RYR1: variants seen among roughly 807,000 people sequenced by gnomAD.
RYR1 encodes central core disease of muscle.
In RYR1, 342 loss-of-function variants were observed where a neutral mutation model predicts 583.5. The ratio of observed to expected loss-of-function variants is 0.59; its 90% CI spans 0.54 to 0.64. RYR1 has a LOEUF of 0.64. Among genes scored for constraint, RYR1 ranks in the 30% least tolerant of loss-of-function variants. RYR1 has a pLI of 0.00. For synonymous variants in RYR1, 2,791 were observed against 2,822.5 expected (o/e 0.99, Z 0.35); for missense variants, 6,032 against 6,917.2 (o/e 0.87, Z 4.54).
intron 66 of RYR1, among the ~76,000 whole-genome samples, chr19:38,518,401 TAAAAAA>T (rs10714494): frequency 4.4e-5 from 5 of 113,794 alleles, no homozygotes; most frequent in Non-Finnish European, 9.2e-5. Context: ...CTCTATTATT[TAAAAAA>T]AAAAAAAAAA....
In RYR1 at chr19:38,464,860, T is replaced by G. The variant is rs142016637; in HGVS notation, c.2870+138T>G. ...GAGACTTGGGTTAGGGTGAAGGTCA[T>G]AGGGTCAGGGCTCTGGGGTCAGAGG... On this transcript the variant is annotated intron_variant, in intron 23 of 105. Coordinates refer to ENST00000359596, the MANE Select transcript of RYR1 (RefSeq NM_000540.3). 642 of 721,926 alleles carry G rather than the reference T, an allele frequency of 8.9e-4. 1 individual carries two copies. In the African/African-American group the frequency reaches 0.01, roughly 11 times the overall value. The allele number at this position is 721,926 out of a possible 1,614,324, so 44.7% of individuals were successfully genotyped here. A position where few individuals can be genotyped will look rare whatever the true frequency, so the allele number is the denominator to read the frequency against.
At chr19:38,560,958 C>G (rs1419854188) in intron 89 of RYR1, among the ~76,000 whole-genome samples, 155 bp from the exon 90 acceptor site, 1 of 144,790 alleles carries the variant, frequency 6.9e-6, no homozygotes, top group Admixed American at 7.1e-5. Context: ...GGGATGGGGA[C>G]GAGAGGGGAT....
At chr19:38,582,327 G>T (rs951351556) in intron 101 of RYR1, among the ~76,000 whole-genome samples, 8 of 152,014 alleles carry the variant, frequency 5.3e-5, no homozygotes, top group Non-Finnish European at 1.5e-5. Context: ...AACCCGGGAG[G>T]TGGAGGTTGC....
chr19:38,464,781 T>A (rs1428887447), intron 23 of RYR1, 59 bp downstream of exon 23: 3 of 1,488,782 alleles, frequency 2.0e-6, no homozygotes, highest in Non-Finnish European at 2.8e-6. Context: ...GATGCTGTGC[T>A]AAGGGCTGGG....
intron 1 of RYR1, among the ~76,000 whole-genome samples, chr19:38,440,086 G>T (rs921229519): frequency 1.3e-5 from 2 of 152,140 alleles, no homozygotes; most frequent in Non-Finnish European, 2.9e-5. Context: ...CAACTGTGTG[G>T]CCTTGGTCCA....
Position 38,536,057 on chromosome 19 carries a change from T to C in RYR1, c.11577T>C (p.Asn3859=), listed in dbSNP as rs1216939683. ...AGGCCGAGGGGCTGGGCATGGTGAA[T>C]GAGGATGGCACTGGTGAGGCCCTCC... ...QNKAEGLGMV[N]EDGTVINRQN... Residue 3859 remains asparagine, a synonymous_variant, in exon 82 of 106, where the codon AAT becomes AAC. Coordinates refer to ENST00000359596, the MANE Select transcript of RYR1 (RefSeq NM_000540.3). 3.1e-6 allele frequency: 5 copies of C among 1,613,286 alleles called. No individual in the cohort carries two copies. The South Asian group carries it at 5.5e-5, about 18-fold the overall frequency.
Position 38,440,765 on chromosome 19 carries a change from G to A in RYR1, c.66G>A (p.Gln22=). The change falls in exon 2 of 106, where the codon CAG becomes CAA. Residue 22 remains glutamine (Q), a synonymous_variant. Transcript: ENST00000359596. ...CGCAGGACGATGAGGTGGTCCTGCA[G>A]TGCAGCGCTACCGTGCTCAAGGAGC... The part of the protein sequence containing the change: ...FLRTDDEVVL[Q]CSATVLKEQL... The A allele has an allele frequency of 1.2e-6, 2 of 1,608,444 alleles. No individual in the cohort carries two copies. The highest frequency in any genetic ancestry group is 1.7e-6 in the Non-Finnish European group (2 of 1,178,176).
intron 19 of RYR1, 51 bp from the exon 20 acceptor site, chr19:38,460,324 C>T (rs745417992): frequency 2.6e-5 from 39 of 1,528,302 alleles, no homozygotes; most frequent in Admixed American, 1.5e-4. Flanking sequence ...TGACCACAGA[C>T]TGTCCCCCAT....
Position 38,574,483 on chromosome 19 carries a change from C to T in RYR1, c.14129+1176C>T, listed in dbSNP as rs558361808. On this transcript the variant is annotated intron_variant, in intron 96 of 105. Coordinates refer to ENST00000359596, the MANE Select transcript of RYR1 (RefSeq NM_000540.3). ...AAAAAAAACTAAAAAGTTAGCCAGA[C>T]ATGCTAGCCTGGCTAGCGCATGCCT... 2.0e-5 allele frequency among the ~76,000 whole-genome samples: 3 copies of T among 151,630 alleles called. No individual in the cohort carries two copies. The South Asian group carries it at 6.3e-4, about 32-fold the overall frequency.
Position 38,463,373 on chromosome 19 carries a change from G to A in RYR1, c.2578-50G>A, listed in dbSNP as rs376873625. The A allele has an allele frequency of 1.1e-3, 1,703 of 1,509,220 alleles. 3 individuals carry two copies. The highest frequency in any genetic ancestry group is 1.4e-3 in the Non-Finnish European group (1,551 of 1,090,238). 93.5% of individuals were successfully genotyped at this position (1,509,220 alleles called of 1,614,324 possible). ...GTTCTTGGAAAGAGGGGTCATGATGGAGGAGGGTAGAGGGACCTTGGGGTC... is the reference window on the plus strand; with the variant it reads ...GTTCTTGGAAAGAGGGGTCATGATGAAGGAGGGTAGAGGGACCTTGGGGTC... On this transcript the variant is annotated intron_variant, in intron 20 of 105. Coordinates refer to ENST00000359596, the MANE Select transcript of RYR1 (RefSeq NM_000540.3).
chr19:38,535,242 C>G, intron 80 of RYR1, 22 bp downstream of exon 80: 1 of 1,613,972 alleles, frequency 6.2e-7, no homozygotes, highest in Non-Finnish European at 8.5e-7. Flanking sequence ...AAAGGGACTT[C>G]AGAAGAAGGC....
Position 38,499,641 on chromosome 19 carries a change from G to A in RYR1, c.7034G>A (p.Ser2345Asn), listed in dbSNP as rs762454967. 1 of 1,597,780 alleles carries A rather than the reference G, an allele frequency of 6.3e-7. No individual in the cohort carries two copies. Among genetic ancestry groups the A allele is most frequent in the Non-Finnish European group, 8.5e-7 (1 of 1,179,888 alleles). Residue 2345 changes from serine (S) to asparagine (N), a missense_variant, in exon 44 of 106, where the codon AGC (serine) becomes AAC (asparagine). This residue lies in a region of RYR1 where 2,627 missense variants were observed against 2,961.3 expected (regional missense o/e 0.89). Coordinates refer to ENST00000359596, the MANE Select transcript of RYR1 (RefSeq NM_000540.3). The surrounding 1 kb of genome is among the most constrained non-coding windows in gnomAD (Gnocchi z 7.3). ...LRFAVFVNGE[S>N]VEENANVVVR... ...TCCCCATGCGGGTGGCCAGGCGAGA[G>A]CGTGGAGGAGAACGCCAATGTGGTG...
intron 92 of RYR1, 146 bp downstream of exon 92, chr19:38,567,133 C>A (rs920571834): frequency 4.6e-6 from 6 of 1,318,240 alleles, no homozygotes; most frequent in African/African-American, 1.5e-5. Flanking sequence ...GGAGGAGGGG[C>A]TCTGAGTAAA....
intron 89 of RYR1, among the ~76,000 whole-genome samples, chr19:38,559,422 C>T (rs960796146): frequency 9.9e-5 from 15 of 151,600 alleles, no homozygotes; most frequent in African/African-American, 3.4e-4. Context: ...TTAGTAGAGA[C>T]GGGGTTTCAC....
At chr19:38,488,347 T>G (rs1311249196) in intron 34 of RYR1, among the ~76,000 whole-genome samples, 5 of 151,988 alleles carry the variant, frequency 3.3e-5, no homozygotes, top group African/African-American at 1.2e-4. Context: ...ATCCACTTAT[T>G]CATCTTTCCT....
At position 38,565,524 on chromosome 19, in the gene RYR1, C is replaced by T; in HGVS notation, c.13190C>T (p.Ala4397Val). Reference sequence around the variant, plus strand: ...GACGAGGTGCACGGCGAGCAGCCGGCCGGGCCGGGCGGAGACGCAGACGGC... The same window carrying T: ...GACGAGGTGCACGGCGAGCAGCCGGTCGGGCCGGGCGGAGACGCAGACGGC... ...TSDEVHGEQP[A>V]GPGGDADGEG... Residue 4397 changes from alanine (A) to valine (V), a missense_variant, in exon 91 of 106, where the codon GCC becomes GTC. This residue lies in a region of RYR1 where 753 missense variants were observed against 759.6 expected (regional missense o/e 0.99). Coordinates refer to ENST00000359596, the MANE Select transcript of RYR1 (RefSeq NM_000540.3). This position sits in a 1 kb window ranked among gnomAD's most constrained non-coding sequence, Gnocchi z 4.7. 6.7e-7 allele frequency: 1 copy of T among 1,502,904 alleles called. No homozygotes were observed. Among genetic ancestry groups the T allele is most frequent in the Non-Finnish European group, 8.8e-7 (1 of 1,133,318 alleles). The allele number at this position is 1,502,904 out of a possible 1,614,324, so 93.1% of individuals were successfully genotyped here.
intron 65 of RYR1, 104 bp from the exon 66 acceptor site, chr19:38,517,255 G>T (rs997927656): frequency 2.1e-5 from 24 of 1,165,278 alleles, no homozygotes; most frequent in Non-Finnish European, 2.6e-5. Flanking sequence ...ACTGTTTAAG[G>T]GGGGTGGCAA....
Position 38,458,055 on chromosome 19 carries a change from C to T in RYR1, c.1930C>T (p.Arg644Cys), listed in dbSNP as rs760672188. The change falls in exon 18 of 106, where the codon CGC (arginine) becomes TGC (cysteine). Residue 644 changes from arginine to cysteine, a missense_variant. Physicochemically the swap from Arg to Cys is radical, Grantham distance 180 (BLOSUM62 -3). Around this residue, in one of 11 missense-constraint regions of RYR1, gnomAD observed 2,627 missense variants for 2,961.3 expected, o/e 0.89. Coordinates refer to ENST00000359596, the MANE Select transcript of RYR1 (RefSeq NM_000540.3). ...TNLINYVTSI[R>C]PNIFVGRAEG... is the part of the protein sequence containing the mutation. ...CCTGTCCCATCTCTCCTGCAGCATCCGCCCCAACATCTTTGTGGGCCGAGC... is the reference window on the plus strand; with the variant it reads ...CCTGTCCCATCTCTCCTGCAGCATCTGCCCCAACATCTTTGTGGGCCGAGC... The T allele has an allele frequency of 5.6e-6, 9 of 1,613,524 alleles. No homozygotes were observed. Among genetic ancestry groups the T allele is most frequent in the East Asian group, 2.2e-5 (1 of 44,878 alleles).
In RYR1 at chr19:38,496,115, AGAGT is replaced by A; in HGVS notation, c.6549-96_6549-93del. ...CTGTAAAGGCGGTGGTGCTAGGCACAGAGTGAGAGGGTCAAGAATGCCAACGCTG... is the reference window on the plus strand; with the variant it reads ...CTGTAAAGGCGGTGGTGCTAGGCACAGAGAGGGTCAAGAATGCCAACGCTG... On this transcript the variant is annotated intron_variant, in intron 39 of 105. Coordinates refer to ENST00000359596, the MANE Select transcript of RYR1 (RefSeq NM_000540.3). The surrounding 1 kb of genome is among the most constrained non-coding windows in gnomAD (Gnocchi z 4.8). The A allele has an allele frequency of 1.0e-6, 1 of 978,568 alleles. No homozygotes were observed. Among genetic ancestry groups the A allele is most frequent in the Non-Finnish European group, 1.6e-6 (1 of 620,126 alleles). The allele number at this position is 978,568 out of a possible 1,614,324, so 60.6% of individuals were successfully genotyped here. A position where few individuals can be genotyped will look rare whatever the true frequency, so the allele number is the denominator to read the frequency against.
Sources: allele counts gnomAD v4.1 joint callset (sites outside exome capture counted in the v4.1 genomes callset), GRCh38; gene constraint gnomAD v4.1.1; regional missense constraint gnomAD v4.1.1; non-coding constraint Gnocchi (gnomAD v3.1); transcripts MANE v1.5; gene names NCBI Gene and HGNC (gene_info 2026-07-23, HGNC 2026-07-21).